Variants in UBTD2 observed in about 807,000 individuals in gnomAD.
The protein encoded by UBTD2 is ubiquitin domain containing 2.
A neutral mutation model predicts 19.8 loss-of-function variants in UBTD2; 9 were observed. The observed-to-expected ratio is 0.46, with a 90% CI of 0.27 to 0.79. UBTD2 has a LOEUF of 0.79. Among genes scored for constraint, UBTD2 ranks in the 30% least tolerant of loss-of-function variants. The pLI is 0.14. For synonymous variants in UBTD2, 98 were observed against 103.9 expected (o/e 0.94, Z 0.35); for missense variants, 250 against 300.4 (o/e 0.83, Z 1.24).
chr5:172,225,981 A>G (rs1771755563), intron 2 of UBTD2, among the ~76,000 whole-genome samples: 1 of 119,688 alleles, frequency 8.4e-6, no homozygotes, highest in Non-Finnish European at 1.6e-5. Context: ...TCTGTTGCCC[A>G]TGCTGGAGGA....
At chr5:172,257,185 G>T (rs992913140) in intron 1 of UBTD2, among the ~76,000 whole-genome samples, 1 of 152,090 alleles carries the variant, frequency 6.6e-6, no homozygotes, top group Non-Finnish European at 1.5e-5. Context: ...GTTTCCTTGC[G>T]TTTACGTGTA....
intron 1 of UBTD2, among the ~76,000 whole-genome samples, chr5:172,256,650 G>C (rs1039184896): frequency 6.6e-6 from 1 of 151,968 alleles, no homozygotes; most frequent in Non-Finnish European, 1.5e-5. Context: ...GCCAGGCGAG[G>C]TGGTTCACAC....
rs573587081 is a variant in UBTD2 at position 172,238,957 on chromosome 5, C to T, written c.71-4599G>A. Reference sequence around the variant, plus strand: ...GAAAAATGGAGTATTAGAACCCTTCCGTAACAGACGGTGCTAAACTAAAAG... The same window carrying T: ...GAAAAATGGAGTATTAGAACCCTTCTGTAACAGACGGTGCTAAACTAAAAG... On this transcript the variant is annotated intron_variant, in intron 1 of 2. Transcript: ENST00000393792. Among the ~76,000 whole-genome samples the T allele has an allele frequency of 2.6e-5, 4 of 152,202 alleles. 1 individual carries two copies. The highest frequency in any genetic ancestry group is 2.1e-4 in the South Asian group (1 of 4,824).
chr5:172,258,456 C>CT (rs1028330503), intron 1 of UBTD2, among the ~76,000 whole-genome samples: 1 of 152,102 alleles, frequency 6.6e-6, no homozygotes, highest in African/African-American at 2.4e-5. Context: ...ATTGTTTTGG[C>CT]TTTTTGGCCT....
At chr5:172,222,735 G>A (rs556990976) in intron 2 of UBTD2, among the ~76,000 whole-genome samples, 1 of 152,264 alleles carries the variant, frequency 6.6e-6, no homozygotes, top group East Asian at 1.9e-4. Context: ...AGAATACCAT[G>A]GGATCTTGTT....
At chr5:172,221,274 T>C (rs893705879) in intron 2 of UBTD2, among the ~76,000 whole-genome samples, 11 of 152,060 alleles carry the variant, frequency 7.2e-5, no homozygotes, top group Admixed American at 4.6e-4. Context: ...GAGGCTATGG[T>C]GGGAGGATGG....
intron 2 of UBTD2, among the ~76,000 whole-genome samples, chr5:172,228,333 G>T (rs1025448249): frequency 6.6e-6 from 1 of 152,196 alleles, no homozygotes; most frequent in African/African-American, 2.4e-5. Flanking sequence ...TACTTTGGAA[G>T]AATGATGCAA....
At chr5:172,215,755 C>T (rs1771528101) in intron 2 of UBTD2, among the ~76,000 whole-genome samples, 1 of 151,836 alleles carries the variant, frequency 6.6e-6, no homozygotes, top group Admixed American at 6.6e-5. Flanking sequence ...TAAAAAGAAC[C>T]AAAAAGAAAT....
chr5:172,246,922 ATTG>A (rs1224096498), intron 1 of UBTD2, among the ~76,000 whole-genome samples: 1 of 150,680 alleles, frequency 6.6e-6, no homozygotes, highest in East Asian at 2.0e-4. Context: ...TTCCCTGCTA[ATTG>A]TTGTATTTTC....
At chr5:172,254,600 G>A (rs989308264) in intron 1 of UBTD2, 60 of 645,412 alleles carry the variant, frequency 9.3e-5, no homozygotes, top group South Asian at 3.2e-4. Flanking sequence ...AGCTTTTAGC[G>A]TACACTTTGT....
intron 1 of UBTD2, among the ~76,000 whole-genome samples, chr5:172,239,025 T>A (rs1292955936): frequency 6.6e-6 from 1 of 152,164 alleles, no homozygotes; most frequent in Non-Finnish European, 1.5e-5. Context: ...ATGCACTATA[T>A]ACACACATAT....
chr5:172,280,806 G>A (rs185312159), intron 1 of UBTD2, among the ~76,000 whole-genome samples: 1 of 152,218 alleles, frequency 6.6e-6, no homozygotes, highest in East Asian at 1.9e-4. Flanking sequence ...TGTGAATTAA[G>A]CCACTTCCAT....
At chr5:172,255,705 C>A (rs1755129524) in intron 1 of UBTD2, among the ~76,000 whole-genome samples, 1 of 152,162 alleles carries the variant, frequency 6.6e-6, no homozygotes, top group Non-Finnish European at 1.5e-5. Flanking sequence ...GCCGGCGCCG[C>A]TCGCTCAGCA....
chr5:172,246,747 ATTGC>A (rs1754890831), intron 1 of UBTD2, among the ~76,000 whole-genome samples: 1 of 101,810 alleles, frequency 9.8e-6, no homozygotes, highest in Non-Finnish European at 1.9e-5. Context: ...CCCAGCCGAG[ATTGC>A]TTTTTTTTTT....
At chr5:172,266,189 C>T (rs932484238) in intron 1 of UBTD2, among the ~76,000 whole-genome samples, 6 of 152,060 alleles carry the variant, frequency 3.9e-5, no homozygotes, top group Admixed American at 3.3e-4. Flanking sequence ...CCTCGGCCTC[C>T]GAAAGTGCTG....
intron 1 of UBTD2, among the ~76,000 whole-genome samples, chr5:172,274,766 C>G (rs538809401): frequency 6.6e-6 from 1 of 151,858 alleles, no homozygotes; most frequent in Non-Finnish European, 1.5e-5. Context: ...TGAGGCCAGG[C>G]GCGGTGGCTC....
At chr5:172,212,395 T>C (rs560872180) in intron 2 of UBTD2, among the ~76,000 whole-genome samples, 168 bp from the exon 3 acceptor site, 1 of 152,308 alleles carries the variant, frequency 6.6e-6, no homozygotes, top group Admixed American at 6.5e-5. Flanking sequence ...ATTATTTGAG[T>C]ATTTAATTTT....
Position 172,211,308 on chromosome 5 carries a change from G to A in UBTD2, c.*522C>T, listed in dbSNP as rs1365256200. 5 of 152,354 alleles carry A rather than the reference G, an allele frequency of 3.3e-5. No homozygotes were observed. The highest frequency in any genetic ancestry group is 1.2e-4 in the African/African-American group (5 of 41,336). The allele number at this position is 152,354 out of a possible 1,614,324, so 9.4% of individuals were successfully genotyped here. On this transcript the variant is annotated 3_prime_UTR_variant, in exon 3 of 3. Transcript: ENST00000393792. ...GAGCTAAGAATAAAAAACCAGAATA[G>A]AAGCAACCTCAAATACTGCTCTTTT...
chr5:172,270,350 ATTTTTTT>A (rs758440849), intron 1 of UBTD2, among the ~76,000 whole-genome samples: 5 of 98,758 alleles, frequency 5.1e-5, no homozygotes, highest in Admixed American at 1.3e-4. Flanking sequence ...GAATTTTAGA[ATTTTTTT>A]TTTTTTTTTT....
Sources: allele counts gnomAD v4.1 joint callset (sites outside exome capture counted in the v4.1 genomes callset), GRCh38; gene constraint gnomAD v4.1.1; transcripts MANE v1.5; gene names NCBI Gene and HGNC (gene_info 2026-07-23, HGNC 2026-07-21).